KDM1A: variants seen among roughly 807,000 people sequenced by gnomAD.
KDM1A encodes lysine demethylase 1A.
KDM1A carries 49 observed loss-of-function variants against 109.4 expected under a neutral mutation model. The ratio of observed to expected loss-of-function variants is 0.45; its 90% CI spans 0.36 to 0.57. The LOEUF (loss-of-function observed/expected upper bound fraction) is 0.57. Ranked by LOEUF, KDM1A falls within the 20% of genes least tolerant of loss-of-function variation. The pLI is 0.00. For synonymous variants in KDM1A, 380 were observed against 415.4 expected, an observed-to-expected ratio of 0.91 and a Z score of 1.04; for missense variants, 668 against 1,116.6, an observed-to-expected ratio of 0.60 and a Z score of 5.73.
At chr1:23,047,064 T>G (rs2124439768) in intron 3 of KDM1A, among the ~76,000 whole-genome samples, 1 of 152,320 alleles carries the variant, frequency 6.6e-6, no homozygotes, top group Admixed American at 6.5e-5. Context: ...TCTAAAAGAT[T>G]TTTCCTCTGA....
At chr1:23,028,251 C>T (rs563124820) in intron 1 of KDM1A, among the ~76,000 whole-genome samples, 14 of 152,264 alleles carry the variant, frequency 9.2e-5, no homozygotes, top group African/African-American at 2.9e-4. Context: ...TGGGCATAAG[C>T]GGTCCTCCTG....
chr1:23,046,559 A>G (rs914272997), intron 3 of KDM1A, among the ~76,000 whole-genome samples: 1 of 152,182 alleles, frequency 6.6e-6, no homozygotes, highest in Non-Finnish European at 1.5e-5. Context: ...TCAAGATGCT[A>G]CCTATATCTT....
intron 10 of KDM1A, among the ~76,000 whole-genome samples, chr1:23,067,723 A>G (rs930722120): frequency 6.6e-6 from 1 of 152,212 alleles, no homozygotes; most frequent in Admixed American, 6.5e-5. Flanking sequence ...CAATTCAACA[A>G]TAGGATTGCA....
At chr1:23,053,612 C>T in intron 4 of KDM1A, 149 bp from the exon 5 acceptor site, 1 of 627,266 alleles carries the variant, frequency 1.6e-6, no homozygotes, top group South Asian at 1.8e-5. Context: ...TCTCAAACTC[C>T]TGGGCTCAAG....
At chr1:23,042,287 G>A (rs529197687) in intron 2 of KDM1A, among the ~76,000 whole-genome samples, 1 of 151,870 alleles carries the variant, frequency 6.6e-6, no homozygotes, top group African/African-American at 2.4e-5. Flanking sequence ...CTAATCTTAA[G>A]TGTGATTCTT....
rs770475359 is a variant in KDM1A at position 23,053,835 on chromosome 1, T to C, written c.786T>C (p.Tyr262=). The C allele has an allele frequency of 1.6e-4, 256 of 1,565,990 alleles. No individual in the cohort carries two copies. Among genetic ancestry groups the C allele is most frequent in the Non-Finnish European group, 2.0e-4 (227 of 1,136,512 alleles). The change falls in exon 5 of 21, where the codon TAT becomes TAC. Residue 262 remains tyrosine (Y), a synonymous_variant. Transcript: ENST00000400181. Reference sequence around the variant, plus strand: ...CTCTCCAACAATTAGAAGCACCTTATAACAGTAAGTAGTGTGTTCAATAGG... The same window carrying C: ...CTCTCCAACAATTAGAAGCACCTTACAACAGTAAGTAGTGTGTTCAATAGG... The part of the protein sequence containing the change: ...EATLQQLEAP[Y]NSDTVLVHRV...
Position 23,030,649 on chromosome 1 carries a change from C to A in KDM1A, c.517+15C>A. ...AGAACCATCGGGTGAGTTGTAGTAT[C>A]CAACCACAGTTCTGTTTTATCTTAG... On this transcript the variant is annotated intron_variant, in intron 2 of 20. Transcript: ENST00000400181. 1 of 1,516,050 alleles carries A rather than the reference C, an allele frequency of 6.6e-7. No individual in the cohort carries two copies. Among genetic ancestry groups the A allele is most frequent in the Admixed American group, 2.4e-5 (1 of 42,170 alleles). 93.9% of individuals were successfully genotyped at this position (1,516,050 alleles called of 1,614,324 possible). A position where few individuals can be genotyped will look rare whatever the true frequency, so the allele number is the denominator to read the frequency against.
At chr1:23,061,750 G>A (rs1470777432) in intron 9 of KDM1A, among the ~76,000 whole-genome samples, 6 of 151,502 alleles carry the variant, frequency 4.0e-5, no homozygotes, top group Admixed American at 2.0e-4. Context: ...TCTGCCTCCC[G>A]GGCTCAAGTA....
At chr1:23,028,311 T>C (rs1209743031) in intron 1 of KDM1A, among the ~76,000 whole-genome samples, 3 of 152,162 alleles carry the variant, frequency 2.0e-5, no homozygotes, top group Non-Finnish European at 4.4e-5. Context: ...ATTACAGGCA[T>C]GAGCCACCAC....
intron 1 of KDM1A, among the ~76,000 whole-genome samples, chr1:23,027,536 C>T (rs1394268167): frequency 9.9e-5 from 14 of 142,020 alleles, no homozygotes; most frequent in African/African-American, 3.4e-4. Context: ...AAGTGATCCA[C>T]CTCAGCCTCC....
intron 12 of KDM1A, among the ~76,000 whole-genome samples, chr1:23,070,461 A>G (rs1643284412): frequency 6.6e-6 from 1 of 151,206 alleles, no homozygotes; most frequent in Non-Finnish European, 1.5e-5. Flanking sequence ...ACAGAACAAG[A>G]CTGTGTCTCT....
intron 7 of KDM1A, 152 bp downstream of exon 7, chr1:23,056,190 T>G: frequency 2.0e-6 from 1 of 500,136 alleles, no homozygotes; most frequent in Non-Finnish European, 3.5e-6. Flanking sequence ...TTTATATTTT[T>G]AAAAAGCTTT....
intron 1 of KDM1A, among the ~76,000 whole-genome samples, chr1:23,025,125 T>C (rs747732170): frequency 2.0e-5 from 3 of 152,218 alleles, no homozygotes; most frequent in Non-Finnish European, 2.9e-5. Flanking sequence ...CATGTGGCTA[T>C]TAAGTTTAAA....
intron 6 of KDM1A, chr1:23,055,510 T>C (rs951083067): frequency 1.2e-5 from 2 of 173,728 alleles, no homozygotes; most frequent in African/African-American, 4.7e-5. Context: ...ATGTTGTCAA[T>C]AGTTGATTTT....
At chr1:23,048,451 A>G (rs978915973) in intron 3 of KDM1A, among the ~76,000 whole-genome samples, 21 of 152,142 alleles carry the variant, frequency 1.4e-4, no homozygotes, top group Non-Finnish European at 2.8e-4. Flanking sequence ...TACCCAAGGA[A>G]TAAATTATCC....
chr1:23,074,007 G>A (rs1351978750), intron 15 of KDM1A, among the ~76,000 whole-genome samples: 3 of 152,186 alleles, frequency 2.0e-5, no homozygotes, highest in Non-Finnish European at 2.9e-5. Flanking sequence ...GAATTGCTGG[G>A]TACTATGGAA....
chr1:23,056,068 TG>T (rs554500841), intron 7 of KDM1A, 30 bp downstream of exon 7: 1,075 of 1,431,864 alleles, frequency 7.5e-4, no homozygotes, highest in Non-Finnish European at 9.9e-4. Context: ...TTTAGAGGCT[TG>T]ACCTATTGGA....
chr1:23,023,813 T>A (rs1641713583), intron 1 of KDM1A, among the ~76,000 whole-genome samples: 1 of 152,190 alleles, frequency 6.6e-6, no homozygotes, highest in Non-Finnish European at 1.5e-5. Context: ...TGTTATTTTT[T>A]AAGCTATCTC....
At chr1:23,027,669 CTTTCTTCCT>C (rs1342088559) in intron 1 of KDM1A, among the ~76,000 whole-genome samples, 2 of 150,266 alleles carry the variant, frequency 1.3e-5, no homozygotes, top group East Asian at 3.9e-4. Flanking sequence ...TGATCCTACA[CTTTCTTCCT>C]TCCAAAGTAC....
Sources: allele counts gnomAD v4.1 joint callset (sites outside exome capture counted in the v4.1 genomes callset), GRCh38; gene constraint gnomAD v4.1.1; transcripts MANE v1.5; gene names NCBI Gene and HGNC (gene_info 2026-07-23, HGNC 2026-07-21).